Variants in PDGFD observed in about 807,000 individuals in gnomAD.
PDGFD encodes the protein platelet derived growth factor D, also known as platelet-derived growth factor D.
Under a neutral mutation model 44.7 loss-of-function variants are expected in PDGFD, and 30 were observed. The ratio of observed to expected loss-of-function variants is 0.67; its 90% confidence interval spans 0.50 to 0.91. The LOEUF is 0.91. PDGFD is among the 40% of genes least tolerant of loss of function. The pLI, the probability that PDGFD is intolerant of heterozygous loss-of-function variation, is 0.00. For synonymous variants in PDGFD, 173 were observed against 168.4 expected (o/e 1.03, Z -0.21); for missense variants, 445 against 457.8 (o/e 0.97, Z 0.25).
chr11:104,149,308 AAATTCCTGTGGCGT>A (rs1406626990), intron 1 of PDGFD, among the ~76,000 whole-genome samples: 1 of 152,210 alleles, frequency 6.6e-6, no homozygotes, highest in Non-Finnish European at 1.5e-5. Context: ...AACAAGAATT[AAATTCCTGTGGCGT>A]AATTCTGGTC....
At chr11:103,985,069 T>C (rs1327858725) in intron 3 of PDGFD, among the ~76,000 whole-genome samples, 2 of 138,304 alleles carry the variant, frequency 1.4e-5, no homozygotes, top group African/African-American at 5.4e-5. Context: ...TTAATTTATT[T>C]AATAGTTATA....
In PDGFD at chr11:104,119,296, TATATAATATATTG is replaced by T. The variant is rs1169416087; in HGVS notation, c.124+44495_124+44507del. On this transcript the variant is annotated intron_variant, in intron 1 of 6. Coordinates refer to ENST00000393158, the MANE Select transcript of PDGFD (RefSeq NM_025208.5). ...ATATTAATATAATATATTGATATAA[TATATAATATATTG>T]ATATAATATATTGATATAATATATA... 1.3e-3 allele frequency among the ~76,000 whole-genome samples: 70 copies of T among 53,368 alleles called. 6 individuals carry two copies. The highest frequency in any genetic ancestry group is 2.9e-3 in the Admixed American group (8 of 2,716). The allele number at this position is 53,368 out of a possible 152,430, so 35.0% of individuals were successfully genotyped here.
intron 1 of PDGFD, among the ~76,000 whole-genome samples, chr11:104,145,141 C>T (rs566887836): frequency 6.6e-6 from 1 of 152,194 alleles, no homozygotes; most frequent in East Asian, 1.9e-4. Flanking sequence ...GTTGAGTAAT[C>T]CCTACAAATA....
intron 3 of PDGFD, among the ~76,000 whole-genome samples, chr11:103,964,143 A>C (rs1221290801): frequency 1.3e-5 from 2 of 152,164 alleles, no homozygotes; most frequent in African/African-American, 4.8e-5. Context: ...AGTAGAAGTG[A>C]TCAATGTCAC....
At chr11:104,158,591 G>T (rs1192303169) in intron 1 of PDGFD, among the ~76,000 whole-genome samples, 2 of 152,322 alleles carry the variant, frequency 1.3e-5, no homozygotes, top group Non-Finnish European at 2.9e-5. Context: ...CCAGCACTTT[G>T]GGAGACCGAG....
chr11:103,975,816 GT>G (rs1476198423), intron 3 of PDGFD, among the ~76,000 whole-genome samples: 1 of 151,902 alleles, frequency 6.6e-6, no homozygotes, highest in Non-Finnish European at 1.5e-5. Context: ...GAGGTGTGGT[GT>G]TTTTTCTGGG....
Position 103,908,351 on chromosome 11 carries a change from T to C in PDGFD, c.*1343A>G, listed in dbSNP as rs2134295154. ...AATACCATTAACCAATGTAAAACAG[T>C]TTTCTATTAAACAGTAGGACAGCAG... On this transcript the variant is annotated 3_prime_UTR_variant, in exon 7 of 7. Coordinates refer to ENST00000393158, the MANE Select transcript of PDGFD (RefSeq NM_025208.5). 6.6e-6 allele frequency: 1 copy of C among 152,056 alleles called. No individual in the cohort carries two copies. The highest frequency in any genetic ancestry group is 2.1e-4 in the South Asian group (1 of 4,818). The allele number at this position is 152,056 out of a possible 1,614,324, so 9.4% of individuals were successfully genotyped here.
At chr11:104,144,484 C>A in intron 1 of PDGFD, among the ~76,000 whole-genome samples, 1 of 87,114 alleles carries the variant, frequency 1.1e-5, no homozygotes, top group Non-Finnish European at 2.1e-5. Context: ...TTAGCCTGGG[C>A]AATAAGAGCA....
chr11:103,930,742 C>T (rs889992906), intron 5 of PDGFD, among the ~76,000 whole-genome samples: 2 of 152,152 alleles, frequency 1.3e-5, no homozygotes, highest in African/African-American at 4.8e-5. Context: ...GTGCAAATGA[C>T]CTGGCTTCCT....
chr11:103,984,182 GGATAAACAAAATGTGGTAT>G (rs1859317070), intron 3 of PDGFD, among the ~76,000 whole-genome samples: 1 of 151,634 alleles, frequency 6.6e-6, no homozygotes, highest in Non-Finnish European at 1.5e-5. Flanking sequence ...ATGTTAGATT[GGATAAACAAAATGTGGTAT>G]ATATACACTA....
intron 1 of PDGFD, among the ~76,000 whole-genome samples, chr11:104,138,335 C>T (rs1210640875): frequency 6.6e-6 from 1 of 152,164 alleles, no homozygotes; most frequent in Non-Finnish European, 1.5e-5. Flanking sequence ...AGCAGTTATT[C>T]TAGACAAAAA....
At chr11:104,062,622 G>T (rs1565324393) in intron 1 of PDGFD, among the ~76,000 whole-genome samples, 1 of 152,128 alleles carries the variant, frequency 6.6e-6, no homozygotes, top group East Asian at 1.9e-4. Flanking sequence ...GTTTATTGCA[G>T]TAGTAACCAA....
chr11:104,014,892 A>G lies in PDGFD; in HGVS notation c.125-14637T>C, dbSNP rs555555592. Among the ~76,000 whole-genome samples the G allele has an allele frequency of 7.4e-4, 112 of 152,000 alleles. 1 individual carries two copies. The highest frequency in any genetic ancestry group is 1.4e-3 in the Non-Finnish European group (95 of 67,992). ...GGGACAAGACCCAAAGTAATTCCTC[A>G]CTCTATCAGCATTTATTGAGATTTT... On this transcript the variant is annotated intron_variant, in intron 1 of 6. Coordinates refer to ENST00000393158, the MANE Select transcript of PDGFD (RefSeq NM_025208.5).
intron 6 of PDGFD, among the ~76,000 whole-genome samples, chr11:103,918,955 G>A (rs937199253): frequency 1.3e-5 from 2 of 152,252 alleles, no homozygotes; most frequent in African/African-American, 4.8e-5. Context: ...AGGAGCTGAA[G>A]GGCACTTGTT....
At chr11:103,991,313 C>T (rs957516549) in intron 3 of PDGFD, among the ~76,000 whole-genome samples, 1 of 152,032 alleles carries the variant, frequency 6.6e-6, no homozygotes, top group African/African-American at 2.4e-5. Flanking sequence ...CTGTTCTCCT[C>T]CTCTCTTCCT....
In PDGFD at chr11:104,137,634, C is replaced by A. The variant is rs149848797; in HGVS notation, c.124+26170G>T. Among the ~76,000 whole-genome samples, 75 of 151,318 alleles carry A rather than the reference C, an allele frequency of 5.0e-4. 1 individual carries two copies. In the East Asian group the frequency reaches 0.014, roughly 28 times the overall value. The stretch of plus-strand genomic sequence containing the variant: ...GCCACAGACCACCCTATTGAAGAGA[C>A]TGATAGTGGCATTTGACTTGCACAT... On this transcript the variant is annotated intron_variant, in intron 1 of 6. Coordinates refer to ENST00000393158, the MANE Select transcript of PDGFD (RefSeq NM_025208.5).
Position 104,034,436 on chromosome 11 carries a change from T to C in PDGFD, c.125-34181A>G, listed in dbSNP as rs537076921. Among the ~76,000 whole-genome samples, 6 of 152,246 alleles carry C rather than the reference T, an allele frequency of 3.9e-5. No homozygotes were observed. The East Asian group carries it at 9.7e-4, about 25-fold the overall frequency. On this transcript the variant is annotated intron_variant, in intron 1 of 6. Coordinates refer to ENST00000393158, the MANE Select transcript of PDGFD (RefSeq NM_025208.5). Reference sequence around the variant, plus strand: ...TAGTCTTCCATCTGAGACAAATACATGAGAAACAGGAGCCAAAAAATAATT... The same window carrying C: ...TAGTCTTCCATCTGAGACAAATACACGAGAAACAGGAGCCAAAAAATAATT...
At chr11:103,929,815 G>A (rs1183579186) in intron 5 of PDGFD, among the ~76,000 whole-genome samples, 1 of 152,182 alleles carries the variant, frequency 6.6e-6, no homozygotes, top group Non-Finnish European at 1.5e-5. Flanking sequence ...GTGCAGCAGA[G>A]CAGGGAGCCA....
chr11:104,081,237 T>A (rs1476409720), intron 1 of PDGFD, among the ~76,000 whole-genome samples: 1 of 152,200 alleles, frequency 6.6e-6, no homozygotes, highest in Non-Finnish European at 1.5e-5. Flanking sequence ...GGGATACTGA[T>A]ACAGTAAATT....
Sources: allele counts gnomAD v4.1 joint callset (sites outside exome capture counted in the v4.1 genomes callset), GRCh38; gene constraint gnomAD v4.1.1; transcripts MANE v1.5; gene names NCBI Gene and HGNC (gene_info 2026-07-23, HGNC 2026-07-21).